EPSTI1: variants seen among roughly 807,000 people sequenced by gnomAD.
EPSTI1 encodes epithelial-stromal interaction protein 1.
EPSTI1 carries 66 observed loss-of-function variants against 49.9 expected under a neutral mutation model. The ratio of observed to expected loss-of-function variants is 1.32; its 90% CI spans 1.08 to 1.62. The LOEUF is 1.62. Ranked by LOEUF, EPSTI1 falls within the 40% of genes most tolerant of loss-of-function variation. The probability of loss-of-function intolerance (pLI) is 0.00; values close to 1 mark genes in which losing one functional copy is unlikely to be tolerated. For synonymous variants in EPSTI1, 137 were observed against 130.7 expected (o/e 1.05, Z -0.33); for missense variants, 394 against 365.5 (o/e 1.08, Z -0.64).
intron 1 of EPSTI1, among the ~76,000 whole-genome samples, chr13:42,989,836 G>A (rs553361630): frequency 4.6e-5 from 7 of 151,646 alleles, no homozygotes; most frequent in Non-Finnish European, 1.0e-4. Context: ...CTCGTGATCC[G>A]CCCTCCTCGG....
At chr13:42,966,744 G>GGC (rs1316858096) in intron 3 of EPSTI1, among the ~76,000 whole-genome samples, 1 of 86,538 alleles carries the variant, frequency 1.2e-5, no homozygotes, top group Admixed American at 1.3e-4. Context: ...GGTGAGGGGC[G>GGC]CCTCCGCCCG....
chr13:42,939,178 A>G (rs925268647), intron 6 of EPSTI1, among the ~76,000 whole-genome samples: 6 of 152,178 alleles, frequency 3.9e-5, no homozygotes, highest in African/African-American at 1.4e-4. Flanking sequence ...GCTTTGGCTT[A>G]AGGGAATGTT....
At chr13:42,906,940 C>T (rs1277916198) in intron 8 of EPSTI1, among the ~76,000 whole-genome samples, 2 of 152,148 alleles carry the variant, frequency 1.3e-5, no homozygotes, top group African/African-American at 4.8e-5. Context: ...AATCAGGGCA[C>T]TTAGTGTGTC....
intron 8 of EPSTI1, among the ~76,000 whole-genome samples, chr13:42,911,711 T>C (rs569936673): frequency 6.6e-6 from 1 of 152,334 alleles, no homozygotes; most frequent in Admixed American, 6.5e-5. Context: ...TCTTCTTGAT[T>C]AGACTTACCA....
rs562800089 is a variant in EPSTI1 at position 42,925,118 on chromosome 13, A to C, written c.657+1218T>G. Among the ~76,000 whole-genome samples, 44 of 152,108 alleles carry C rather than the reference A, an allele frequency of 2.9e-4. 2 individuals are homozygous for C. The South Asian group carries it at 9.2e-3, about 32-fold the overall frequency. Reference sequence around the variant, plus strand: ...CCTTCTAAGCAGTTTTCTGACCTGCACTCTCTTCTCCATCCTCTCCCCCGC... The same window carrying C: ...CCTTCTAAGCAGTTTTCTGACCTGCCCTCTCTTCTCCATCCTCTCCCCCGC... On this transcript the variant is annotated intron_variant, in intron 7 of 10. Coordinates refer to ENST00000313624, the MANE Select transcript of EPSTI1 (RefSeq NM_033255.5).
At chr13:42,900,753 T>C (rs962115863) in intron 8 of EPSTI1, among the ~76,000 whole-genome samples, 8 of 152,144 alleles carry the variant, frequency 5.3e-5, no homozygotes, top group Non-Finnish European at 7.4e-5. Flanking sequence ...ATACTATTTC[T>C]TGGTATTTCT....
intron 8 of EPSTI1, among the ~76,000 whole-genome samples, chr13:42,914,421 T>TA (rs1290147078): frequency 1.3e-5 from 2 of 151,550 alleles, no homozygotes; most frequent in African/African-American, 4.9e-5. Context: ...ACCAGAATAA[T>TA]ACAGTTAAAA....
chr13:42,942,262 A>G (rs2153425802), intron 6 of EPSTI1, among the ~76,000 whole-genome samples: 1 of 152,294 alleles, frequency 6.6e-6, no homozygotes, highest in South Asian at 2.1e-4. Flanking sequence ...GCAATCCAAG[A>G]GCTTTTATTC....
chr13:42,893,333 G>A (rs2037093958), intron 10 of EPSTI1, among the ~76,000 whole-genome samples: 1 of 152,170 alleles, frequency 6.6e-6, no homozygotes, highest in Non-Finnish European at 1.5e-5. Flanking sequence ...CCCAGGAGGT[G>A]GAGAAGAAGA....
At chr13:42,934,636 A>G in intron 6 of EPSTI1, 1 of 140,200 alleles carries the variant, frequency 7.1e-6, no homozygotes. Context: ...GGTTGGGGGG[A>G]CGTTGTAATG....
intron 6 of EPSTI1, among the ~76,000 whole-genome samples, chr13:42,938,464 C>T (rs948360414): frequency 5.3e-5 from 8 of 151,980 alleles, no homozygotes; most frequent in Admixed American, 5.2e-4. Flanking sequence ...TTCAGAATGG[C>T]AAATGAACAT....
chr13:42,991,309 A>T, intron 1 of EPSTI1: 1 of 152,614 alleles, frequency 6.6e-6, no homozygotes, highest in Non-Finnish European at 1.5e-5. Flanking sequence ...TTGTTTTGAG[A>T]CAGTCTCGCT....
At chr13:42,910,958 G>C (rs1274311903) in intron 8 of EPSTI1, among the ~76,000 whole-genome samples, 1 of 152,164 alleles carries the variant, frequency 6.6e-6, no homozygotes, top group African/African-American at 2.4e-5. Context: ...TTAGTTCACT[G>C]AAGTGTTTTT....
intron 7 of EPSTI1, among the ~76,000 whole-genome samples, chr13:42,918,092 T>C (rs1174180978): frequency 1.3e-5 from 2 of 152,212 alleles, no homozygotes; most frequent in Admixed American, 1.3e-4. Context: ...GTTGATACCA[T>C]ATAATTTCAA....
intron 8 of EPSTI1, among the ~76,000 whole-genome samples, chr13:42,910,330 T>G (rs189659848): frequency 2.7e-5 from 4 of 150,268 alleles, no homozygotes; most frequent in African/African-American, 9.8e-5. Flanking sequence ...GGTGCAGTCT[T>G]GGCTTACTGC....
intron 6 of EPSTI1, among the ~76,000 whole-genome samples, chr13:42,947,293 C>T (rs967894557): frequency 5.9e-5 from 4 of 67,540 alleles, no homozygotes; most frequent in Non-Finnish European, 8.3e-5. Context: ...GAAGAAAGCC[C>T]AGACATTTCA....
In EPSTI1 at chr13:42,991,927, A is replaced by T; in HGVS notation, c.188+51T>A. The T allele has an allele frequency of 2.5e-6, 4 of 1,603,312 alleles. No individual in the cohort carries two copies. The African/African-American group carries it at 4.0e-5, about 16-fold the overall frequency. On this transcript the variant is annotated intron_variant, in intron 1 of 10. Coordinates refer to ENST00000313624, the MANE Select transcript of EPSTI1 (RefSeq NM_033255.5). ...AGGACCAAGGTGCTTGTGAGTGAGT[A>T]TGTTTGGGGCCCGGGCTCCCGCCCC...
At chr13:42,929,245 C>T (rs2038284294) in intron 6 of EPSTI1, among the ~76,000 whole-genome samples, 1 of 152,198 alleles carries the variant, frequency 6.6e-6, no homozygotes, top group African/African-American at 2.4e-5. Flanking sequence ...ATATCTACTT[C>T]ACACAAGGTC....
chr13:42,955,738 G>A (rs2039239500), intron 5 of EPSTI1, among the ~76,000 whole-genome samples: 3 of 152,012 alleles, frequency 2.0e-5, no homozygotes, highest in Admixed American at 1.3e-4. Context: ...GGAGGCAGAG[G>A]TTGCAATGAG....
Sources: gnomAD v4.1 joint callset for allele counts (sites outside exome capture counted in the v4.1 genomes callset) on GRCh38, gnomAD v4.1.1 for gene constraint, MANE v1.5 for transcripts, NCBI Gene and HGNC (gene_info 2026-07-23, HGNC 2026-07-21) for gene names.